CPTP: variants seen among roughly 807,000 people sequenced by gnomAD.
The protein encoded by CPTP is ceramide-1-phosphate transfer protein.
Under a neutral mutation model 5.7 loss-of-function variants are expected in CPTP, and 5 were observed. The ratio of observed to expected loss-of-function variants is 0.88; its 90% CI spans 0.46 to 1.86. The LOEUF (loss-of-function observed/expected upper bound fraction) is 1.86, where lower values mean the gene tolerates loss of function less well. Among genes scored for constraint, CPTP ranks in the 40% most tolerant of loss-of-function variants. The probability of loss-of-function intolerance (pLI) is 0.01; values close to 1 mark genes in which losing one functional copy is unlikely to be tolerated. For synonymous variants in CPTP, 166 were observed against 142.7 expected, an observed-to-expected ratio of 1.16 and a Z score of -1.16; for missense variants, 335 against 306.5, an observed-to-expected ratio of 1.09 and a Z score of -0.69.
At chr1:1,326,140 G>A (rs1358274098) in intron 1 of CPTP, among the ~76,000 whole-genome samples, 1 of 152,268 alleles carries the variant, frequency 6.6e-6, no homozygotes, top group African/African-American at 2.4e-5. Flanking sequence ...CAAGAGCCTC[G>A]TGGCAATCTT....
chr1:1,327,540 CCTA>C lies in CPTP; in HGVS notation c.424_426del (p.Tyr142del). The stretch of plus-strand genomic sequence containing the variant: ...CGCACCTCCGCGCTCTGCGCCGACT[CCTA>C]CAACGCCTCGCTGGCCGCCTACCAC... On this transcript the variant is annotated inframe_deletion, in exon 3 of 3. Transcript: ENST00000343938. 1.1e-5 allele frequency: 17 copies of C among 1,590,372 alleles called. No individual in the cohort carries two copies. The highest frequency in any genetic ancestry group is 1.5e-5 in the Non-Finnish European group (17 of 1,170,114).
intron 1 of CPTP, among the ~76,000 whole-genome samples, chr1:1,326,494 T>TAAAAGCAGATAC (rs896479563): frequency 2.0e-5 from 3 of 152,070 alleles, no homozygotes; most frequent in African/African-American, 7.3e-5. Flanking sequence ...CTCCAGCTGG[T>TAAAAGCAGATAC]AAAAGCAGAT....
At chr1:1,326,798 A>G in intron 1 of CPTP, 38 bp from the exon 2 acceptor site, 1 of 1,369,992 alleles carries the variant, frequency 7.3e-7, no homozygotes, top group South Asian at 1.3e-5. Context: ...AGTGAGCGGC[A>G]ATGGGATCGC....
In CPTP at chr1:1,326,877, C is replaced by T; in HGVS notation, c.-34C>T. On this transcript the variant is annotated 5_prime_UTR_variant, in exon 2 of 3. Transcript: ENST00000343938. Reference sequence around the variant, plus strand: ...CAAGCTGACCCCAGCGACACAGCCCCCCAGCCCTACTGTATTTCCGTTCCT... The same window carrying T: ...CAAGCTGACCCCAGCGACACAGCCCTCCAGCCCTACTGTATTTCCGTTCCT... 8 of 1,613,236 alleles carry T rather than the reference C, an allele frequency of 5.0e-6. No homozygotes were observed. Among genetic ancestry groups the T allele is most frequent in the Non-Finnish European group, 6.8e-6 (8 of 1,179,764 alleles).
chr1:1,327,800 C>A lies in CPTP; in HGVS notation c.*37C>A. ...CAGGGCCGCACCGGCTTTCCTGCTGCAGATCTGGGCTGCGGTGGCCAGGGC... is the reference window on the plus strand; with the variant it reads ...CAGGGCCGCACCGGCTTTCCTGCTGAAGATCTGGGCTGCGGTGGCCAGGGC... On this transcript the variant is annotated 3_prime_UTR_variant, in exon 3 of 3. Transcript: ENST00000343938. 6.2e-7 allele frequency: 1 copy of A among 1,602,752 alleles called. No individual in the cohort carries two copies. The highest frequency in any genetic ancestry group is 8.5e-7 in the Non-Finnish European group (1 of 1,178,004).
rs1190543832 is a variant in CPTP, at chr1:1,327,788, G to C, written c.*25G>C. Reference sequence around the variant, plus strand: ...GGGGCGGGAAGCCAGGGCCGCACCGGCTTTCCTGCTGCAGATCTGGGCTGC... The same window carrying C: ...GGGGCGGGAAGCCAGGGCCGCACCGCCTTTCCTGCTGCAGATCTGGGCTGC... On this transcript the variant is annotated 3_prime_UTR_variant, in exon 3 of 3. Coordinates refer to ENST00000343938, the MANE Select transcript of CPTP (RefSeq NM_001029885.2). 6.2e-7 allele frequency: 1 copy of C among 1,606,082 alleles called. No homozygotes were observed. The highest frequency in any genetic ancestry group is 1.1e-5 in the South Asian group (1 of 90,992).
Position 1,328,062 on chromosome 1 carries a change from G to T in CPTP, c.*299G>T. 2.0e-6 allele frequency: 1 copy of T among 492,710 alleles called. No homozygotes were observed. Among genetic ancestry groups the T allele is most frequent in the Non-Finnish European group, 3.6e-6 (1 of 278,076 alleles). The allele number at this position is 492,710 out of a possible 1,614,324, so 30.5% of individuals were successfully genotyped here. A position where few individuals can be genotyped will look rare whatever the true frequency, so the allele number is the denominator to read the frequency against. ...TGCGGTGCAGAGCAGAGCAGGCAGG[G>T]GTGGGGGCCGGGCCTGCAAGAGCCC... On this transcript the variant is annotated 3_prime_UTR_variant, in exon 3 of 3. Transcript: ENST00000343938.
rs1643346089 is a variant in CPTP, at chr1:1,327,878, G to A, written c.*115G>A. The A allele has an allele frequency of 3.3e-6, 4 of 1,212,450 alleles. No individual in the cohort carries two copies. The highest frequency in any genetic ancestry group is 3.5e-6 in the Non-Finnish European group (3 of 858,538). 75.1% of individuals were successfully genotyped at this position (1,212,450 alleles called of 1,614,324 possible). On this transcript the variant is annotated 3_prime_UTR_variant, in exon 3 of 3. Transcript: ENST00000343938. ...GCGCTGCGGGAACAGGAGATCCTCTGTCGCCCCTGTGAGCTGAGCTGGTTA... is the reference window on the plus strand; with the variant it reads ...GCGCTGCGGGAACAGGAGATCCTCTATCGCCCCTGTGAGCTGAGCTGGTTA...
At position 1,327,669 on chromosome 1, in the gene CPTP, T is replaced by A; in HGVS notation, c.551T>A (p.Val184Glu). 2 of 1,612,704 alleles carry A rather than the reference T, an allele frequency of 1.2e-6. No individual in the cohort carries two copies. Among genetic ancestry groups the A allele is most frequent in the Non-Finnish European group, 1.7e-6 (2 of 1,179,880 alleles). ...AMNVGPPEQA[V>E]QMLGEALPFI... ...AACGTGGGGCCCCCGGAGCAGGCCG[T>A]GCAGATGCTAGGCGAGGCCCTCCCC... The change falls in exon 3 of 3, where the codon GTG (valine) becomes GAG (glutamate). Residue 184 changes from valine to glutamate, a missense_variant. Transcript: ENST00000343938.
At position 1,325,008 on chromosome 1, in the gene CPTP, A is replaced by C. The variant is rs1569608781; in HGVS notation, c.-170A>C. 5.3e-6 allele frequency: 1 copy of C among 190,134 alleles called. No homozygotes were observed. The highest frequency in any genetic ancestry group is 2.4e-5 in the African/African-American group (1 of 41,318). 11.8% of individuals were successfully genotyped at this position (190,134 alleles called of 1,614,324 possible). A position where few individuals can be genotyped will look rare whatever the true frequency, so the allele number is the denominator to read the frequency against. On this transcript the variant is annotated 5_prime_UTR_variant, in exon 1 of 3. Transcript: ENST00000343938. ...CTCAGGTCGGCCCCTCCCCAACACC[A>C]CCCCGGGCCTCCGCCCCTTCCTGGG...
chr1:1,326,832 A>G lies in CPTP; in HGVS notation c.-75-4A>G. ...GCAGCTATTTTGTTCCCCTCCACAC[A>G]CAGAAAATGAGCCACAGAGCAAGCT... On this transcript the variant is annotated splice_region_variant and splice_polypyrimidine_tract_variant and intron_variant, in intron 1 of 2. Transcript: ENST00000343938. 4 of 1,585,522 alleles carry G rather than the reference A, an allele frequency of 2.5e-6. No individual in the cohort carries two copies. Among genetic ancestry groups the G allele is most frequent in the Non-Finnish European group, 3.5e-6 (4 of 1,157,448 alleles).
At chr1:1,326,678 C>G (rs547796859) in intron 1 of CPTP, among the ~76,000 whole-genome samples, 158 bp from the exon 2 acceptor site, 5 of 152,288 alleles carry the variant, frequency 3.3e-5, no homozygotes, top group African/African-American at 1.2e-4. Context: ...CCTGAATGCG[C>G]AATCCTGATG....
In CPTP at chr1:1,327,458, G is replaced by A. The variant is rs774591652; in HGVS notation, c.340G>A (p.Ala114Thr). The change falls in exon 3 of 3, where the codon GCC (alanine) becomes ACC (threonine). Residue 114 changes from alanine (A) to threonine (T), a missense_variant. By Grantham distance (58) the Ala-to-Thr change is moderately conservative. Coordinates refer to ENST00000343938, the MANE Select transcript of CPTP (RefSeq NM_001029885.2). ...GCRTVLRLHR[A>T]LHWLQLFLEG... ...CCGGACGGTGCTGCGCCTGCACCGC[G>A]CCCTGCACTGGCTGCAGCTGTTCCT... 2.3e-5 allele frequency: 36 copies of A among 1,572,698 alleles called. No individual in the cohort carries two copies. The highest frequency in any genetic ancestry group is 1.7e-4 in the Middle Eastern group (1 of 6,038).
chr1:1,327,829 G>T lies in CPTP; in HGVS notation c.*66G>T. ...TCTGGGCTGCGGTGGCCAGGGCCGT[G>T]AGTCCCGTGGCAGAGCCTTCTGGGC... On this transcript the variant is annotated 3_prime_UTR_variant, in exon 3 of 3. Coordinates refer to ENST00000343938, the MANE Select transcript of CPTP (RefSeq NM_001029885.2). 1.3e-6 allele frequency: 2 copies of T among 1,559,044 alleles called. No individual in the cohort carries two copies. The highest frequency in any genetic ancestry group is 1.7e-6 in the Non-Finnish European group (2 of 1,147,276).
At position 1,326,936 on chromosome 1, in the gene CPTP, A is replaced by G. The variant is rs772756143; in HGVS notation, c.26A>G (p.Asn9Ser). 1.4e-5 allele frequency: 22 copies of G among 1,613,714 alleles called. No individual in the cohort carries two copies. The highest frequency in any genetic ancestry group is 1.9e-5 in the Non-Finnish European group (22 of 1,179,988). Residue 9 changes from asparagine (N) to serine (S), a missense_variant, in exon 2 of 3, where the codon AAT becomes AGT. Coordinates refer to ENST00000343938, the MANE Select transcript of CPTP (RefSeq NM_001029885.2). ...ATGGATGACTCGGAGACAGGTTTCAATCTGAAAGTCGTCCTGGTCAGTTTC... is the reference window on the plus strand; with the variant it reads ...ATGGATGACTCGGAGACAGGTTTCAGTCTGAAAGTCGTCCTGGTCAGTTTC... Reference protein sequence around the residue: MDDSETGFNLKVVLVSFKQ... With the variant: MDDSETGFSLKVVLVSFKQ...
chr1:1,327,454 C>T lies in CPTP; in HGVS notation c.336C>T (p.His112=), dbSNP rs756349011. 5 of 1,573,412 alleles carry T rather than the reference C, an allele frequency of 3.2e-6. No individual in the cohort carries two copies. Among genetic ancestry groups the T allele is most frequent in the Admixed American group, 1.8e-5 (1 of 55,168 alleles). The change falls in exon 3 of 3, where the codon CAC becomes CAT. Residue 112 remains histidine, a synonymous_variant. Transcript: ENST00000343938. ...GCTGCCGGACGGTGCTGCGCCTGCA[C>T]CGCGCCCTGCACTGGCTGCAGCTGT... ...ESGCRTVLRL[H]RALHWLQLFL...
chr1:1,327,451 G>C lies in CPTP; in HGVS notation c.333G>C (p.Leu111=). The C allele has an allele frequency of 6.3e-7, 1 of 1,575,370 alleles. No homozygotes were observed. Among genetic ancestry groups the C allele is most frequent in the Non-Finnish European group, 8.6e-7 (1 of 1,166,828 alleles). ...CTGGCTGCCGGACGGTGCTGCGCCTGCACCGCGCCCTGCACTGGCTGCAGC... is the reference window on the plus strand; with the variant it reads ...CTGGCTGCCGGACGGTGCTGCGCCTCCACCGCGCCCTGCACTGGCTGCAGC... The part of the protein sequence containing the change: ...PESGCRTVLR[L]HRALHWLQLF... Residue 111 remains leucine (L), a synonymous_variant, in exon 3 of 3, where the codon CTG becomes CTC. Coordinates refer to ENST00000343938, the MANE Select transcript of CPTP (RefSeq NM_001029885.2).
chr1:1,327,827 G>GT lies in CPTP; in HGVS notation c.*65dup. 1.3e-6 allele frequency: 2 copies of GT among 1,558,768 alleles called. No homozygotes were observed. The highest frequency in any genetic ancestry group is 1.7e-6 in the Non-Finnish European group (2 of 1,146,174). ...GATCTGGGCTGCGGTGGCCAGGGCCGTGAGTCCCGTGGCAGAGCCTTCTGG... is the reference window on the plus strand; with the variant it reads ...GATCTGGGCTGCGGTGGCCAGGGCCGTTGAGTCCCGTGGCAGAGCCTTCTGG... On this transcript the variant is annotated 3_prime_UTR_variant, in exon 3 of 3. Coordinates refer to ENST00000343938, the MANE Select transcript of CPTP (RefSeq NM_001029885.2).
At position 1,327,260 on chromosome 1, in the gene CPTP, AC is replaced by A; in HGVS notation, c.144del (p.Ile49SerfsTer39). 6.3e-7 allele frequency: 1 copy of A among 1,597,822 alleles called. No individual in the cohort carries two copies. Among genetic ancestry groups the A allele is most frequent in the Non-Finnish European group, 8.5e-7 (1 of 1,179,460 alleles). ...CCACAGGTTTCTGAACAGCCTGGGC[AC>A]CATCTTCTCATTCATCTCCAAGGAC... ...GLVRFLNSLG[T>X]IFSFISKDVV... On this transcript the variant is annotated frameshift_variant, in exon 3 of 3. Transcript: ENST00000343938. LOFTEE classifies it low-confidence loss of function (END_TRUNC).
Sources: allele counts gnomAD v4.1 joint callset (sites outside exome capture counted in the v4.1 genomes callset), GRCh38; gene constraint gnomAD v4.1.1; transcripts MANE v1.5; gene names NCBI Gene and HGNC (gene_info 2026-07-23, HGNC 2026-07-21).